CERT1: variants seen among roughly 807,000 people sequenced by gnomAD.
CERT1 encodes ceramide transporter 1, also known as ceramide transfer protein.
A neutral mutation model predicts 87.9 loss-of-function variants in CERT1; 31 were observed. The ratio of observed to expected loss-of-function variants is 0.35; its 90% CI spans 0.27 to 0.48. The LOEUF (loss-of-function observed/expected upper bound fraction) is 0.48. CERT1 is among the 20% of genes least tolerant of loss of function. The pLI, the probability that CERT1 is intolerant of heterozygous loss-of-function variation, is 0.99. For synonymous variants in CERT1, 289 were observed against 250.9 expected (o/e 1.15, Z -1.44); for missense variants, 487 against 758.0 (o/e 0.64, Z 4.20).
intron 14 of CERT1, among the ~76,000 whole-genome samples, chr5:75,384,400 C>T (rs1489595387): frequency 6.6e-6 from 1 of 152,128 alleles, no homozygotes; most frequent in African/African-American, 2.4e-5. Context: ...AGGGAACTAA[C>T]CGTTGATCTT....
rs757349878 is a variant in CERT1, at chr5:75,485,312, CAAAAAAAAAA to C, written c.231+20660_231+20669del. On this transcript the variant is annotated intron_variant, in intron 2 of 16. Transcript: ENST00000643780. The stretch of plus-strand genomic sequence containing the variant: ...CCAAGACACTGTCTACACAAAAATA[CAAAAAAAAAA>C]AAAAAAAAAAAAAAAGAACAAAAAG... Among the ~76,000 whole-genome samples, 258 of 46,462 alleles carry C rather than the reference CAAAAAAAAAA, an allele frequency of 5.6e-3. 1 individual carries two copies. Among genetic ancestry groups the C allele is most frequent in the African/African-American group, 0.021 (228 of 11,072 alleles). 30.5% of individuals were successfully genotyped at this position (46,462 alleles called of 152,430 possible).
In CERT1 at chr5:75,426,331, A is replaced by T. The variant is rs746391634; in HGVS notation, c.456+40T>A. 5.0e-6 allele frequency: 7 copies of T among 1,402,618 alleles called. No individual in the cohort carries two copies. The South Asian group carries it at 7.0e-5, about 14-fold the overall frequency. 86.9% of individuals were successfully genotyped at this position (1,402,618 alleles called of 1,614,324 possible). A position where few individuals can be genotyped will look rare whatever the true frequency, so the allele number is the denominator to read the frequency against. ...TTCACAACATCCAATACTAAACTCA[A>T]TTTATGTTGTTTAACTTAAGGCATC... On this transcript the variant is annotated intron_variant, in intron 4 of 16. Coordinates refer to ENST00000643780, the MANE Select transcript of CERT1 (RefSeq NM_001379029.1).
At chr5:75,418,316 C>T (rs1473863923) in intron 6 of CERT1, among the ~76,000 whole-genome samples, 1 of 152,126 alleles carries the variant, frequency 6.6e-6, no homozygotes, top group Non-Finnish European at 1.5e-5. Flanking sequence ...TGACATATCC[C>T]TACACACCTA....
chr5:75,428,117 T>C (rs1346309239), intron 3 of CERT1, among the ~76,000 whole-genome samples: 2 of 152,188 alleles, frequency 1.3e-5, no homozygotes. Context: ...ATTATTCTAA[T>C]TGGAAAATAT....
chr5:75,417,081 T>C lies in CERT1; in HGVS notation c.680-48A>G, dbSNP rs201547885. The C allele has an allele frequency of 5.9e-6, 8 of 1,351,464 alleles. No individual in the cohort carries two copies. In the African/African-American group the frequency reaches 7.4e-5, roughly 12 times the overall value. 83.7% of individuals were successfully genotyped at this position (1,351,464 alleles called of 1,614,324 possible). On this transcript the variant is annotated intron_variant, in intron 6 of 16. Coordinates refer to ENST00000643780, the MANE Select transcript of CERT1 (RefSeq NM_001379029.1). ...GAAAATATCTCTAATGAGGAAATAA[T>C]TCATCACAATTTAAGATTAGAAAAT...
downstream of CERT1, chr5:75,374,822 T>A: frequency 3.8e-6 from 2 of 526,088 alleles, no homozygotes; most frequent in Non-Finnish European, 3.7e-6. Flanking sequence ...AGCTGAGTCC[T>A]TAAAGACTGA....
intron 3 of CERT1, among the ~76,000 whole-genome samples, chr5:75,429,253 G>C (rs1046883260): frequency 1.3e-5 from 2 of 151,300 alleles, no homozygotes; most frequent in Admixed American, 6.6e-5. Flanking sequence ...CCAGGCTGGA[G>C]TGCAGTGGCA....
chr5:75,461,334 G>A (rs1765219314), intron 2 of CERT1, among the ~76,000 whole-genome samples: 1 of 152,138 alleles, frequency 6.6e-6, no homozygotes, highest in Non-Finnish European at 1.5e-5. Flanking sequence ...TAGGTTGTTC[G>A]CTCCTTATGA....
chr5:75,487,751 C>A (rs1766592490), intron 2 of CERT1, among the ~76,000 whole-genome samples: 1 of 151,952 alleles, frequency 6.6e-6, no homozygotes, highest in African/African-American at 2.4e-5. Flanking sequence ...GACAGAAATG[C>A]AACTGAAAAC....
chr5:75,508,807 T>G (rs1297940133), intron 1 of CERT1, among the ~76,000 whole-genome samples: 2 of 152,204 alleles, frequency 1.3e-5, no homozygotes, highest in East Asian at 3.9e-4. Context: ...GTATTTGGCT[T>G]GGACTCTTAA....
downstream of CERT1, chr5:75,374,974 G>A: frequency 4.1e-6 from 1 of 241,216 alleles, no homozygotes; most frequent in South Asian, 5.1e-5. Context: ...TCATGGAGAA[G>A]AAAGCTTATT....
intron 2 of CERT1, among the ~76,000 whole-genome samples, chr5:75,463,548 A>G (rs1765328815): frequency 6.6e-6 from 1 of 152,218 alleles, no homozygotes; most frequent in South Asian, 2.1e-4. Flanking sequence ...ACCTTATAGG[A>G]ACAAAAGAGA....
chr5:75,496,390 C>T (rs997363884), intron 2 of CERT1, among the ~76,000 whole-genome samples: 5 of 151,886 alleles, frequency 3.3e-5, no homozygotes, highest in Non-Finnish European at 5.9e-5. Flanking sequence ...AAACTGGTAC[C>T]GCCACTTTGG....
chr5:75,495,298 T>C (rs1470788705), intron 2 of CERT1, among the ~76,000 whole-genome samples: 5 of 152,246 alleles, frequency 3.3e-5, no homozygotes, highest in Non-Finnish European at 5.9e-5. Context: ...GGCTCATGCC[T>C]GTAATCCCAG....
At chr5:75,463,644 A>C (rs2112328596) in intron 2 of CERT1, among the ~76,000 whole-genome samples, 1 of 152,322 alleles carries the variant, frequency 6.6e-6, no homozygotes, top group Non-Finnish European at 1.5e-5. Context: ...TGTTACCAAA[A>C]CACCAGGGGT....
intron 3 of CERT1, among the ~76,000 whole-genome samples, chr5:75,428,072 T>C (rs1022502098): frequency 6.6e-6 from 1 of 152,204 alleles, no homozygotes; most frequent in Non-Finnish European, 1.5e-5. Context: ...TGAAAATCTA[T>C]TACATTTCTA....
chr5:75,414,659 T>C (rs533293273), intron 7 of CERT1, among the ~76,000 whole-genome samples: 2 of 152,300 alleles, frequency 1.3e-5, no homozygotes, highest in South Asian at 2.1e-4. Flanking sequence ...ATTATTATTA[T>C]AGGTAACCAA....
Position 75,466,500 on chromosome 5 carries a change from G to A in CERT1, c.232-7319C>T, listed in dbSNP as rs141527522. 2.1e-3 allele frequency among the ~76,000 whole-genome samples: 315 copies of A among 152,254 alleles called. 1 individual carries two copies. The East Asian group carries it at 0.027, about 13-fold the overall frequency. ...TATAATCCCCCTTCTAGATGTCTGA[G>A]ACCCAGCTGCACAAAGCACTTCCTT... On this transcript the variant is annotated intron_variant, in intron 2 of 16. Coordinates refer to ENST00000643780, the MANE Select transcript of CERT1 (RefSeq NM_001379029.1).
Position 75,504,414 on chromosome 5 carries a change from T to C in CERT1, c.231+1568A>G, listed in dbSNP as rs147492544. On this transcript the variant is annotated intron_variant, in intron 2 of 16. Coordinates refer to ENST00000643780, the MANE Select transcript of CERT1 (RefSeq NM_001379029.1). ...ACACTTCCAAATATTTCTTCTGTGT[T>C]TCTCTAACTTGATATTCAATTCTAA... Among the ~76,000 whole-genome samples the C allele has an allele frequency of 2.1e-3, 317 of 152,296 alleles. 1 individual carries two copies. In the East Asian group the frequency reaches 0.027, roughly 13 times the overall value.
Sources: allele counts gnomAD v4.1 joint callset (sites outside exome capture counted in the v4.1 genomes callset), GRCh38; gene constraint gnomAD v4.1.1; transcripts MANE v1.5; gene names NCBI Gene and HGNC (gene_info 2026-07-23, HGNC 2026-07-21).